The following SOX6 variants were observed in gnomAD, a reference collection of about 807,000 sequenced individuals.
The protein encoded by SOX6 is transcription factor SOX-6.
Under a neutral mutation model 97.8 loss-of-function variants are expected in SOX6, and 11 were observed. The observed-to-expected ratio is 0.11, with a 90% CI of 0.07 to 0.19. The LOEUF is 0.19. Among genes scored for constraint, SOX6 ranks in the 10% least tolerant of loss-of-function variants. SOX6 has a pLI of 1.00. For missense variants in SOX6, 810 were observed against 1,039.5 expected (o/e 0.78, Z 3.04); for synonymous variants, 360 against 371.4 (o/e 0.97, Z 0.35).
At chr11:16,427,958 T>G (rs1306751776) in intron 1 of SOX6, among the ~76,000 whole-genome samples, 1 of 152,040 alleles carries the variant, frequency 6.6e-6, no homozygotes, top group African/African-American at 2.4e-5. Flanking sequence ...AGTGTAAAAG[T>G]GTTCCTATTT....
chr11:16,378,211 T>G (rs1016698746), intron 1 of SOX6, among the ~76,000 whole-genome samples: 15 of 152,178 alleles, frequency 9.9e-5, no homozygotes, highest in Non-Finnish European at 1.5e-5. Flanking sequence ...TGTGGATTCG[T>G]TAAATTAAAA....
At chr11:16,241,305 ACTGTAT>A (rs1402076880) in intron 3 of SOX6, among the ~76,000 whole-genome samples, 2 of 151,864 alleles carry the variant, frequency 1.3e-5, no homozygotes, top group Non-Finnish European at 2.9e-5. Context: ...TTGGTTTTTC[ACTGTAT>A]CTTATTGCCC....
At chr11:16,488,297 G>C (rs545521551) in intron 4 of SOX6, among the ~76,000 whole-genome samples, 1 of 152,180 alleles carries the variant, frequency 6.6e-6, no homozygotes, top group African/African-American at 2.4e-5. Context: ...AATAATTACA[G>C]CTTTGCATGA....
Position 16,318,628 on chromosome 11 carries a change from G to A in SOX6, c.263C>T (p.Ser88Phe). ...AGAGGTATTTCGGAAGGAATATAGG[G>A]AACATAACTTATTATTCTCTGATTC... ...RMESENNKLC[S>F]LYSFRNTSTS... is the part of the protein sequence containing the mutation. The change falls in exon 3 of 16, where the codon TCC (serine) becomes TTC (phenylalanine). Residue 88 changes from serine to phenylalanine, a missense_variant. Around this residue, in one of 9 missense-constraint regions of SOX6, gnomAD observed 46 missense variants for 84.1 expected, o/e 0.55. Coordinates refer to ENST00000683767, the MANE Select transcript of SOX6 (RefSeq NM_001367873.1). 6.2e-7 allele frequency: 1 copy of A among 1,612,678 alleles called. No individual in the cohort carries two copies. The highest frequency in any genetic ancestry group is 1.1e-5 in the South Asian group (1 of 91,014).
intron 9 of SOX6, among the ~76,000 whole-genome samples, chr11:16,062,595 T>C (rs1485671209): frequency 6.6e-6 from 1 of 151,732 alleles, no homozygotes; most frequent in African/African-American, 2.4e-5. Context: ...TGTTTCAATT[T>C]TGAAAAATTC....
At chr11:16,643,065 A>G (rs910127506) in intron 3 of SOX6, among the ~76,000 whole-genome samples, 48 of 152,030 alleles carry the variant, frequency 3.2e-4, no homozygotes, top group Non-Finnish European at 6.2e-4. Context: ...TTGGTCTTTG[A>G]TGATGGTGAC....
chr11:16,265,843 A>G (rs1854069475), intron 3 of SOX6, among the ~76,000 whole-genome samples: 1 of 151,886 alleles, frequency 6.6e-6, no homozygotes, highest in African/African-American at 2.4e-5. Flanking sequence ...CCAATTAAAT[A>G]TTGCAGAAAA....
intron 11 of SOX6, among the ~76,000 whole-genome samples, chr11:16,047,736 A>G (rs1051183866): frequency 1.6e-4 from 19 of 121,268 alleles, no homozygotes; most frequent in East Asian, 5.5e-4. Flanking sequence ...GTGTGTGTGT[A>G]TGTGTGTGTA....
chr11:16,150,563 G>T (rs1470153708), intron 6 of SOX6, among the ~76,000 whole-genome samples: 1 of 152,084 alleles, frequency 6.6e-6, no homozygotes, highest in African/African-American at 2.4e-5. Context: ...ATTGAGCAAG[G>T]AGTCTAGAAC....
intron 4 of SOX6, among the ~76,000 whole-genome samples, chr11:16,524,939 T>A (rs1233456864): frequency 6.6e-6 from 1 of 152,114 alleles, no homozygotes; most frequent in South Asian, 2.1e-4. Context: ...GTGAAGGACC[T>A]CTTCAAGGAG....
intron 4 of SOX6, among the ~76,000 whole-genome samples, chr11:16,219,715 TA>T (rs1451317894): frequency 6.6e-6 from 1 of 152,048 alleles, no homozygotes; most frequent in African/African-American, 2.4e-5. Context: ...AGTAATTTTT[TA>T]AAATTCAGAC....
At chr11:16,461,304 C>T (rs537448434) in intron 1 of SOX6, among the ~76,000 whole-genome samples, 23 of 149,106 alleles carry the variant, frequency 1.5e-4, no homozygotes, top group Admixed American at 1.3e-3. Flanking sequence ...CAAGTTGCTT[C>T]TGTAGCTTCT....
chr11:16,193,210 ATC>A (rs1851675895), intron 4 of SOX6, among the ~76,000 whole-genome samples: 1 of 152,116 alleles, frequency 6.6e-6, no homozygotes, highest in African/African-American at 2.4e-5. Flanking sequence ...CATCCTTTCT[ATC>A]TCTAATAAAA....
intron 9 of SOX6, among the ~76,000 whole-genome samples, chr11:16,057,511 T>A (rs753064410): frequency 6.6e-6 from 1 of 152,148 alleles, no homozygotes; most frequent in Non-Finnish European, 1.5e-5. Flanking sequence ...CTTGGAGACA[T>A]CCTTTCTGGA....
At chr11:16,128,068 TAAC>T (rs1849650366) in intron 6 of SOX6, among the ~76,000 whole-genome samples, 1 of 152,178 alleles carries the variant, frequency 6.6e-6, no homozygotes. Flanking sequence ...TGAAGCTTTC[TAAC>T]AACAGACTGC....
At chr11:16,637,470 C>G (rs886571888) in intron 3 of SOX6, among the ~76,000 whole-genome samples, 6 of 152,200 alleles carry the variant, frequency 3.9e-5, no homozygotes, top group Admixed American at 1.3e-4. Flanking sequence ...CTGCCCGCCT[C>G]AGCCTCCCAA....
chr11:16,213,368 T>A (rs1432919419), intron 4 of SOX6, among the ~76,000 whole-genome samples: 1 of 152,202 alleles, frequency 6.6e-6, no homozygotes, highest in Non-Finnish European at 1.5e-5. Flanking sequence ...TCTCTCTGTC[T>A]GCCGCACCCT....
chr11:16,221,822 G>T (rs1326897222), intron 4 of SOX6, among the ~76,000 whole-genome samples: 1 of 152,018 alleles, frequency 6.6e-6, no homozygotes, highest in Admixed American at 6.6e-5. Context: ...ATAAGGAAAA[G>T]AGTTATACAC....
intron 4 of SOX6, among the ~76,000 whole-genome samples, chr11:16,201,478 C>G (rs963423383): frequency 6.6e-6 from 1 of 150,614 alleles, no homozygotes; most frequent in East Asian, 1.9e-4. Context: ...TATGTAGAAA[C>G]TCATAATAAA....
Sources: gnomAD v4.1 joint callset for allele counts (sites outside exome capture counted in the v4.1 genomes callset) on GRCh38, gnomAD v4.1.1 for gene constraint, gnomAD v4.1.1 regional missense constraint, MANE v1.5 for transcripts, NCBI Gene and HGNC (gene_info 2026-07-23, HGNC 2026-07-21) for gene names.